Variants in HCN3 observed in about 807,000 individuals in gnomAD.
HCN3 encodes potassium/sodium hyperpolarization-activated cyclic nucleotide-gated channel 3.
In HCN3, 36 loss-of-function variants were observed where a neutral mutation model predicts 56.8. The observed-to-expected ratio is 0.63, with a 90% CI of 0.49 to 0.84. The LOEUF (loss-of-function observed/expected upper bound fraction) is 0.84. HCN3 is among the 40% of genes least tolerant of loss of function. The pLI, the probability that HCN3 is intolerant of heterozygous loss-of-function variation, is 0.00. For missense variants in HCN3, 930 were observed against 1,079.3 expected (o/e 0.86, Z 1.94); for synonymous variants, 425 against 439.7 (o/e 0.97, Z 0.42).
chr1:155,281,829 C>T (rs1278130066), intron 1 of HCN3, among the ~76,000 whole-genome samples: 1 of 152,072 alleles, frequency 6.6e-6, no homozygotes, highest in Non-Finnish European at 1.5e-5. Context: ...GTCAGTCAGG[C>T]TGGAGTACAC....
chr1:155,284,288 A>G lies in HCN3; in HGVS notation c.870+153A>G. 1 of 955,240 alleles carries G rather than the reference A, an allele frequency of 1.0e-6. No individual in the cohort carries two copies. Among genetic ancestry groups the G allele is most frequent in the Admixed American group, 2.6e-5 (1 of 38,326 alleles). 59.2% of individuals were successfully genotyped at this position (955,240 alleles called of 1,614,324 possible). On this transcript the variant is annotated intron_variant, in intron 3 of 7. Coordinates refer to ENST00000368358, the MANE Select transcript of HCN3 (RefSeq NM_020897.3). This position sits in a 1 kb window ranked among gnomAD's most constrained non-coding sequence, Gnocchi z 4.3. The stretch of plus-strand genomic sequence containing the variant: ...GGAGGAGGGAGGAAAGGGGAAGGAG[A>G]CCCAGAAGAAGTGCTCGTGTGTTGG...
In HCN3 at chr1:155,288,431, C is replaced by A. The variant is rs754284796; in HGVS notation, c.2293C>A (p.Pro765Thr). The change falls in exon 8 of 8, where the codon CCC becomes ACC. Residue 765 changes from proline (P) to threonine (T), a missense_variant. By Grantham distance (38) the Pro-to-Thr change is conservative (BLOSUM62 -1). Coordinates refer to ENST00000368358, the MANE Select transcript of HCN3 (RefSeq NM_020897.3). This position sits in a 1 kb window ranked among gnomAD's most constrained non-coding sequence, Gnocchi z 6.5. ...PRPPVPEPAT[P>T]RGLQLSANM is the part of the protein sequence containing the mutation. Reference sequence around the variant, plus strand: ...GCCACCAGTGCCTGAGCCAGCCACACCCCGGGGTCTCCAGCTTTCTGCCAA... The same window carrying A: ...GCCACCAGTGCCTGAGCCAGCCACAACCCGGGGTCTCCAGCTTTCTGCCAA... The A allele has an allele frequency of 1.2e-6, 2 of 1,606,546 alleles. No individual in the cohort carries two copies. Among genetic ancestry groups the A allele is most frequent in the Non-Finnish European group, 1.7e-6 (2 of 1,176,968 alleles).
Position 155,287,955 on chromosome 1 carries a change from T to G in HCN3, c.1817T>G (p.Leu606Arg), listed in dbSNP as rs746110201. 3 of 1,613,964 alleles carry G rather than the reference T, an allele frequency of 1.9e-6. No homozygotes were observed. Among genetic ancestry groups the G allele is most frequent in the Non-Finnish European group, 2.5e-6 (3 of 1,180,022 alleles). ...LSGKPVLWEPLVHAPLQAAAV... is the reference protein window; with the variant it reads ...LSGKPVLWEPRVHAPLQAAAV... ...GGAAAGCCAGTACTGTGGGAGCCAC[T>G]GGTACATGCGCCCCTTCAGGCAGCT... Residue 606 changes from leucine to arginine, a missense_variant, in exon 8 of 8, where the codon CTG (leucine) becomes CGG (arginine). Transcript: ENST00000368358.
Position 155,287,209 on chromosome 1 carries a change from G to A in HCN3, c.1514G>A (p.Ser505Asn). The A allele has an allele frequency of 6.2e-7, 1 of 1,613,972 alleles. No individual in the cohort carries two copies. The highest frequency in any genetic ancestry group is 8.5e-7 in the Non-Finnish European group (1 of 1,179,966). Residue 505 changes from serine to asparagine, a missense_variant, in exon 7 of 8, where the codon AGT becomes AAT. By Grantham distance (46) the Ser-to-Asn change is conservative. Transcript: ENST00000368358. ...CTAACTAGGGGCCGGCGCACAGCCA[G>A]TGTTCGGGCTGACACCTACTGCCGC... Reference protein sequence around the residue: ...CLLTRGRRTASVRADTYCRLY... With the variant: ...CLLTRGRRTANVRADTYCRLY...
In HCN3 at chr1:155,288,755, C is replaced by T; in HGVS notation, c.*292C>T. The T allele has an allele frequency of 2.4e-6, 1 of 425,268 alleles. No individual in the cohort carries two copies. Among genetic ancestry groups the T allele is most frequent in the Non-Finnish European group, 4.2e-6 (1 of 240,808 alleles). The allele number at this position is 425,268 out of a possible 1,614,324, so 26.3% of individuals were successfully genotyped here. On this transcript the variant is annotated 3_prime_UTR_variant, in exon 8 of 8. Coordinates refer to ENST00000368358, the MANE Select transcript of HCN3 (RefSeq NM_020897.3). The surrounding 1 kb of genome is among the most constrained non-coding windows in gnomAD (Gnocchi z 6.5). ...TCTCCACTGCCAAGTAGAAGTGACT[C>T]AAAACCCTCTGACAAGGATATTCCC...
rs1674195303 is a variant in HCN3 at position 155,284,445 on chromosome 1, G to C, written c.871-94G>C. 1 of 1,330,002 alleles carries C rather than the reference G, an allele frequency of 7.5e-7. No homozygotes were observed. Among genetic ancestry groups the C allele is most frequent in the Non-Finnish European group, 1.0e-6 (1 of 974,472 alleles). The allele number at this position is 1,330,002 out of a possible 1,614,324, so 82.4% of individuals were successfully genotyped here. ...CAGGAGGAAGGCCTGCAGTAGAAGG[G>C]GCAGACAGAAAGACCAAAGAAGGAA... On this transcript the variant is annotated intron_variant, in intron 3 of 7. Coordinates refer to ENST00000368358, the MANE Select transcript of HCN3 (RefSeq NM_020897.3). This position sits in a 1 kb window ranked among gnomAD's most constrained non-coding sequence, Gnocchi z 4.3.
At position 155,285,395 on chromosome 1, in the gene HCN3, C is replaced by A. The variant is rs1375027130; in HGVS notation, c.1236+84C>A. ...GGTAGGGGCTATTGGTCAGCAGGTG[C>A]TCCTATAGGGAATGAGGCCTGCAGA... is the stretch of plus-strand genomic sequence containing the variant. On this transcript the variant is annotated intron_variant, in intron 5 of 7. Coordinates refer to ENST00000368358, the MANE Select transcript of HCN3 (RefSeq NM_020897.3). The surrounding 1 kb of genome is among the most constrained non-coding windows in gnomAD (Gnocchi z 4.5). The A allele has an allele frequency of 2.6e-6, 4 of 1,536,366 alleles. No individual in the cohort carries two copies. The East Asian group carries it at 9.2e-5, about 35-fold the overall frequency.
At position 155,282,893 on chromosome 1, in the gene HCN3, A is replaced by T; in HGVS notation, c.708+53A>T. 69 of 202,208 alleles carry T rather than the reference A, an allele frequency of 3.4e-4. No homozygotes were observed. Among genetic ancestry groups the T allele is most frequent in the Non-Finnish European group, 4.3e-4 (50 of 116,652 alleles). 12.5% of individuals were successfully genotyped at this position (202,208 alleles called of 1,614,324 possible). A position where few individuals can be genotyped will look rare whatever the true frequency, so the allele number is the denominator to read the frequency against. On this transcript the variant is annotated intron_variant, in intron 2 of 7. Coordinates refer to ENST00000368358, the MANE Select transcript of HCN3 (RefSeq NM_020897.3). The surrounding 1 kb of genome is among the most constrained non-coding windows in gnomAD (Gnocchi z 4.7). Reference sequence around the variant, plus strand: ...AGTGGGTGGGGGATGTTGGGGGAGAAGGGGGCGGGGCGGCTGGTGGACTTC... The same window carrying T: ...AGTGGGTGGGGGATGTTGGGGGAGATGGGGGCGGGGCGGCTGGTGGACTTC...
chr1:155,284,027 C>A lies in HCN3; in HGVS notation c.762C>A (p.Leu254=), dbSNP rs1180055230. Residue 254 remains leucine, a synonymous_variant, in exon 3 of 8, where the codon CTC becomes CTA. Transcript: ENST00000368358. This position sits in a 1 kb window ranked among gnomAD's most constrained non-coding sequence, Gnocchi z 4.3. ...GTGCTGTGGTTCGCATCTTCAACCTCATTGGGATGATGCTGCTGCTATGTC... is the reference window on the plus strand; with the variant it reads ...GTGCTGTGGTTCGCATCTTCAACCTAATTGGGATGATGCTGCTGCTATGTC... ...LASAVVRIFN[L]IGMMLLLCHW... 6.2e-6 allele frequency: 10 copies of A among 1,614,166 alleles called. No homozygotes were observed. The highest frequency in any genetic ancestry group is 8.5e-6 in the Non-Finnish European group (10 of 1,180,016).
chr1:155,283,476 T>C (rs1247127515), intron 2 of HCN3, among the ~76,000 whole-genome samples: 2 of 151,788 alleles, frequency 1.3e-5, no homozygotes, highest in Admixed American at 1.3e-4. Flanking sequence ...TACATATGTA[T>C]ACATGTGCTA....
At chr1:155,287,746 T>C in intron 7 of HCN3, 35 bp from the exon 8 acceptor site, 3 of 1,534,082 alleles carry the variant, frequency 2.0e-6, no homozygotes, top group Non-Finnish European at 2.6e-6. Flanking sequence ...ATTCCTTCCC[T>C]ATCCTTAACT....
Position 155,284,399 on chromosome 1 carries a change from GAACCA to G in HCN3, c.871-136_871-132del. On this transcript the variant is annotated intron_variant, in intron 3 of 7. Coordinates refer to ENST00000368358, the MANE Select transcript of HCN3 (RefSeq NM_020897.3). The surrounding 1 kb of genome is among the most constrained non-coding windows in gnomAD (Gnocchi z 4.3). The stretch of plus-strand genomic sequence containing the variant: ...GACCCTTTTGCCTCAGGGCCCCCCA[GAACCA>G]AACTTAAGTGCCTGCCAGGAGGAAG... 1 of 1,039,240 alleles carries G rather than the reference GAACCA, an allele frequency of 9.6e-7. No individual in the cohort carries two copies. The highest frequency in any genetic ancestry group is 1.4e-6 in the Non-Finnish European group (1 of 734,230). 64.4% of individuals were successfully genotyped at this position (1,039,240 alleles called of 1,614,324 possible).
chr1:155,284,238 A>G lies in HCN3; in HGVS notation c.870+103A>G. The G allele has an allele frequency of 7.3e-7, 1 of 1,375,826 alleles. No individual in the cohort carries two copies. Among genetic ancestry groups the G allele is most frequent in the Non-Finnish European group, 1.0e-6 (1 of 997,342 alleles). 85.2% of individuals were successfully genotyped at this position (1,375,826 alleles called of 1,614,324 possible). A position where few individuals can be genotyped will look rare whatever the true frequency, so the allele number is the denominator to read the frequency against. On this transcript the variant is annotated intron_variant, in intron 3 of 7. Transcript: ENST00000368358. The surrounding 1 kb of genome is among the most constrained non-coding windows in gnomAD (Gnocchi z 4.3). ...GAGCAGGAGGTGGGAGATGATCACAACAGAAAATAGGAGCGAGGAGGTGGG... is the reference window on the plus strand; with the variant it reads ...GAGCAGGAGGTGGGAGATGATCACAGCAGAAAATAGGAGCGAGGAGGTGGG...
rs143083596 is a variant in HCN3, at chr1:155,288,032, C to T, written c.1894C>T (p.Pro632Ser). 8.7e-6 allele frequency: 14 copies of T among 1,613,802 alleles called. No homozygotes were observed. The African/African-American group carries it at 1.9e-4, about 22-fold the overall frequency. Residue 632 changes from proline (P) to serine (S), a missense_variant, in exon 8 of 8, where the codon CCC becomes TCC. By Grantham distance (74) the Pro-to-Ser change is moderately conservative (BLOSUM62 -1). Transcript: ENST00000368358. This position sits in a 1 kb window ranked among gnomAD's most constrained non-coding sequence, Gnocchi z 6.5. ...CCTGACTCATCAGCGGGGCCCTCTG[C>T]CCCTCTCCCCTGACTCTCCAGCCAC... ...IALTHQRGPL[P>S]LSPDSPATLL...
chr1:155,284,253 G>A lies in HCN3; in HGVS notation c.870+118G>A, dbSNP rs1674187865. On this transcript the variant is annotated intron_variant, in intron 3 of 7. Transcript: ENST00000368358. The surrounding 1 kb of genome is among the most constrained non-coding windows in gnomAD (Gnocchi z 4.3). ...GATGATCACAACAGAAAATAGGAGC[G>A]AGGAGGTGGGGAGGAGGGAGGAAAG... The A allele has an allele frequency of 8.1e-7, 1 of 1,230,002 alleles. No individual in the cohort carries two copies. The highest frequency in any genetic ancestry group is 1.1e-6 in the Non-Finnish European group (1 of 880,688). The allele number at this position is 1,230,002 out of a possible 1,614,324, so 76.2% of individuals were successfully genotyped here.
Position 155,284,343 on chromosome 1 carries a change from C to T in HCN3, c.871-196C>T, listed in dbSNP as rs974336772. On this transcript the variant is annotated intron_variant, in intron 3 of 7. Coordinates refer to ENST00000368358, the MANE Select transcript of HCN3 (RefSeq NM_020897.3). This position sits in a 1 kb window ranked among gnomAD's most constrained non-coding sequence, Gnocchi z 4.3. The stretch of plus-strand genomic sequence containing the variant: ...AGCAGGCAAAGGAAGGGTACCTACC[C>T]GGAAGCTGAGGCCCCCAAGTTGCAA... The T allele has an allele frequency of 9.5e-6, 8 of 838,982 alleles. No homozygotes were observed. Among genetic ancestry groups the T allele is most frequent in the Admixed American group, 8.7e-5 (3 of 34,540 alleles). The allele number at this position is 838,982 out of a possible 1,614,324, so 52.0% of individuals were successfully genotyped here. A position where few individuals can be genotyped will look rare whatever the true frequency, so the allele number is the denominator to read the frequency against.
Position 155,285,458 on chromosome 1 carries a change from G to T in HCN3, c.1236+147G>T. The stretch of plus-strand genomic sequence containing the variant: ...AGGCCAGGTATTTGGGCTTTCAGGG[G>T]CTAGGGTCTTTCTTGAAGGCCCTTT... On this transcript the variant is annotated intron_variant, in intron 5 of 7. Coordinates refer to ENST00000368358, the MANE Select transcript of HCN3 (RefSeq NM_020897.3). The surrounding 1 kb of genome is among the most constrained non-coding windows in gnomAD (Gnocchi z 4.5). 1 of 1,123,676 alleles carries T rather than the reference G, an allele frequency of 8.9e-7. No homozygotes were observed. The highest frequency in any genetic ancestry group is 1.6e-5 in the South Asian group (1 of 61,840). The allele number at this position is 1,123,676 out of a possible 1,614,324, so 69.6% of individuals were successfully genotyped here.
intron 1 of HCN3, among the ~76,000 whole-genome samples, chr1:155,281,224 C>T (rs1378727134): frequency 2.0e-5 from 3 of 151,722 alleles, no homozygotes; most frequent in East Asian, 3.9e-4. Context: ...GTGTGCACCA[C>T]CATGCCCAGC....
rs553251715 is a variant in HCN3 at position 155,288,181 on chromosome 1, C to T, written c.2043C>T (p.Ala681=). Residue 681 remains alanine (A), a synonymous_variant, in exon 8 of 8, where the codon GCC becomes GCT. Transcript: ENST00000368358. This position sits in a 1 kb window ranked among gnomAD's most constrained non-coding sequence, Gnocchi z 6.5. The part of the protein sequence containing the change: ...LPAPPARTLH[A]SLSRAGRSQV... ...CCCCACCTGCCCGAACCCTGCACGC[C>T]AGCCTATCCCGGGCAGGGCGCTCCC... The T allele has an allele frequency of 2.7e-5, 42 of 1,576,866 alleles. No individual in the cohort carries two copies. In the African/African-American group the frequency reaches 4.5e-4, roughly 17 times the overall value.
Sources: gnomAD v4.1 joint callset for allele counts (sites outside exome capture counted in the v4.1 genomes callset) on GRCh38, gnomAD v4.1.1 for gene constraint, Gnocchi (gnomAD v3.1) non-coding constraint, MANE v1.5 for transcripts, NCBI Gene and HGNC (gene_info 2026-07-23, HGNC 2026-07-21) for gene names.